Variants in BCKDHA observed in about 807,000 individuals in gnomAD.
The protein encoded by BCKDHA is branched chain keto acid dehydrogenase E1 subunit alpha.
In BCKDHA, 43 loss-of-function variants were observed where a neutral mutation model predicts 52.2. The ratio of observed to expected loss-of-function variants is 0.82; its 90% confidence interval spans 0.64 to 1.06. The LOEUF is 1.06. Among genes scored for constraint, BCKDHA ranks in the 50% least tolerant of loss-of-function variants. BCKDHA has a pLI of 0.00. For missense variants in BCKDHA, 527 were observed against 621.3 expected (o/e 0.85, Z 1.61); for synonymous variants, 234 against 247.9 (o/e 0.94, Z 0.53).
At chr19:41,411,087 C>T (rs1017097372) in intron 3 of BCKDHA, 78 bp downstream of exon 3, 3 of 1,479,726 alleles carry the variant, frequency 2.0e-6, no homozygotes, top group Non-Finnish European at 2.8e-6. Context: ...AAAGGAATGG[C>T]TCCCAAGGAG....
intron 3 of BCKDHA, 42 bp from the exon 4 acceptor site, chr19:41,414,007 G>C: frequency 6.5e-7 from 1 of 1,537,464 alleles, no homozygotes; most frequent in Non-Finnish European, 9.0e-7. Context: ...TCATTGCCCA[G>C]CATAACCAAT....
At chr19:41,424,177 G>T (rs2039402274) in intron 8 of BCKDHA, among the ~76,000 whole-genome samples, 1 of 152,176 alleles carries the variant, frequency 6.6e-6, no homozygotes, top group Non-Finnish European at 1.5e-5. Flanking sequence ...GCCCTTCTCT[G>T]TGCCTCAGTT....
At chr19:41,398,965 G>A (rs1461359143) in intron 1 of BCKDHA, among the ~76,000 whole-genome samples, 4 of 152,110 alleles carry the variant, frequency 2.6e-5, no homozygotes, top group African/African-American at 4.8e-5. Context: ...ACATCCTAAG[G>A]GCAATAGGAA....
intron 3 of BCKDHA, among the ~76,000 whole-genome samples, chr19:41,412,380 C>A (rs10418291): frequency 1.1e-4 from 7 of 65,866 alleles, no homozygotes; most frequent in African/African-American, 4.0e-4. Context: ...GTAGATATTT[C>A]TTTTTTTTTT....
intron 2 of BCKDHA, 27 bp downstream of exon 2, chr19:41,410,843 G>C: frequency 1.2e-6 from 2 of 1,613,570 alleles, no homozygotes; most frequent in Non-Finnish European, 1.7e-6. Flanking sequence ...CCCACTTCCC[G>C]TGCCCCCCAC....
rs540369872 is a variant in BCKDHA, at chr19:41,416,181, T to G, written c.484+2024T>G. On this transcript the variant is annotated intron_variant, in intron 4 of 8. Transcript: ENST00000269980. Reference sequence around the variant, plus strand: ...CTGGTTTCAAACTCCTGACCTCAAGTGATTCGTTTGCCTTGGCCTCCCAAA... The same window carrying G: ...CTGGTTTCAAACTCCTGACCTCAAGGGATTCGTTTGCCTTGGCCTCCCAAA... Among the ~76,000 whole-genome samples the G allele has an allele frequency of 1.8e-3, 270 of 152,142 alleles. 3 individuals carry two copies. Among genetic ancestry groups the G allele is most frequent in the Non-Finnish European group, 2.7e-3 (185 of 67,988 alleles).
chr19:41,406,716 C>A (rs889365907), intron 1 of BCKDHA, among the ~76,000 whole-genome samples: 6 of 152,020 alleles, frequency 3.9e-5, no homozygotes, highest in Admixed American at 1.3e-4. Flanking sequence ...ATTACAGGCA[C>A]CTACCATCAT....
At chr19:41,404,993 T>C (rs1206812663) in intron 1 of BCKDHA, among the ~76,000 whole-genome samples, 1 of 152,228 alleles carries the variant, frequency 6.6e-6, no homozygotes, top group African/African-American at 2.4e-5. Flanking sequence ...GTGAGTAAGA[T>C]CACCTGTCTT....
chr19:41,415,211 G>T (rs1447900479), intron 4 of BCKDHA, among the ~76,000 whole-genome samples: 1 of 152,242 alleles, frequency 6.6e-6, no homozygotes, highest in African/African-American at 2.4e-5. Flanking sequence ...TGTGGTGTTT[G>T]TCTAAGGTCT....
chr19:41,402,861 G>A (rs532132957), intron 1 of BCKDHA, among the ~76,000 whole-genome samples: 7 of 152,158 alleles, frequency 4.6e-5, no homozygotes, highest in South Asian at 2.1e-4. Context: ...GGCTGGTCTC[G>A]AACTCCTGGC....
chr19:41,412,002 G>T (rs150923804), intron 3 of BCKDHA, among the ~76,000 whole-genome samples: 4 of 152,188 alleles, frequency 2.6e-5, no homozygotes, highest in Admixed American at 1.3e-4. Flanking sequence ...GGAGGGCACC[G>T]CCGAGCCGCG....
intron 1 of BCKDHA, among the ~76,000 whole-genome samples, chr19:41,406,570 A>ATTTTTTT (rs1201986170): frequency 2.3e-5 from 3 of 129,640 alleles, no homozygotes; most frequent in Non-Finnish European, 5.0e-5. Context: ...TTCCCAGCTA[A>ATTTTTTT]TTTTTTTTTT....
rs1194250616 is a variant in BCKDHA, at chr19:41,422,661, A to G, written c.886A>G (p.Ile296Val). 5 of 1,613,910 alleles carry G rather than the reference A, an allele frequency of 3.1e-6. No homozygotes were observed. Among genetic ancestry groups the G allele is most frequent in the East Asian group, 2.2e-5 (1 of 44,888 alleles). Reference protein sequence around the residue: ...ARGPGYGIMSIRVDGNDVFAV... With the variant: ...ARGPGYGIMSVRVDGNDVFAV... ...AGGCCCCGGGTATGGCATCATGTCA[A>G]TCCGCGTGGATGGTAATGATGTGTT... is the stretch of plus-strand genomic sequence containing the variant. Residue 296 changes from isoleucine to valine, a missense_variant, in exon 7 of 9, where the codon ATC (isoleucine) becomes GTC (valine). Physicochemically the swap from Ile to Val is conservative, Grantham distance 29. Transcript: ENST00000269980.
chr19:41,405,704 C>T (rs976081598), intron 1 of BCKDHA, among the ~76,000 whole-genome samples: 1 of 152,030 alleles, frequency 6.6e-6, no homozygotes, highest in African/African-American at 2.4e-5. Context: ...GAATTACAGG[C>T]GTCTGCCACT....
At chr19:41,418,015 C>G (rs1188858619) in intron 4 of BCKDHA, among the ~76,000 whole-genome samples, 1 of 145,766 alleles carries the variant, frequency 6.9e-6, no homozygotes, top group East Asian at 2.0e-4. Context: ...TTGCTTGAAC[C>G]TGGAAGGTGG....
rs760895724 is a variant in BCKDHA at position 41,422,190 on chromosome 19, CG to C, written c.676del (p.Ala226ProfsTer104). ...GGTGGGGGCGGCGTACGCAGCCAAG[CG>C]GGCCAATGCCAACAGGGTCGTCATC... ...QAVGAAYAAK[R>X]ANANRVVICY... On this transcript the variant is annotated frameshift_variant, in exon 6 of 9. Coordinates refer to ENST00000269980, the MANE Select transcript of BCKDHA (RefSeq NM_000709.4). LOFTEE classifies it high-confidence loss of function. 1 of 1,613,960 alleles carries C rather than the reference CG, an allele frequency of 6.2e-7. No homozygotes were observed. The highest frequency in any genetic ancestry group is 1.1e-5 in the South Asian group (1 of 91,072).
intron 1 of BCKDHA, among the ~76,000 whole-genome samples, chr19:41,401,366 A>G (rs988368957): frequency 2.6e-5 from 4 of 152,110 alleles, no homozygotes; most frequent in Non-Finnish European, 4.4e-5. Context: ...GTGAGCCACC[A>G]TGCCTGGCTA....
At chr19:41,417,454 T>TAGG (rs2039318271) in intron 4 of BCKDHA, among the ~76,000 whole-genome samples, 1 of 152,180 alleles carries the variant, frequency 6.6e-6, no homozygotes, top group South Asian at 2.1e-4. Flanking sequence ...TACAAGACCT[T>TAGG]TCTTTCCCTC....
At chr19:41,410,225 C>G (rs1460826591) in intron 1 of BCKDHA, among the ~76,000 whole-genome samples, 1 of 152,094 alleles carries the variant, frequency 6.6e-6, no homozygotes, top group African/African-American at 2.4e-5. Flanking sequence ...TCTGTGGTCA[C>G]AGTGGGAGAG....
Sources: allele counts gnomAD v4.1 joint callset (sites outside exome capture counted in the v4.1 genomes callset), GRCh38; gene constraint gnomAD v4.1.1; transcripts MANE v1.5; gene names NCBI Gene and HGNC (gene_info 2026-07-23, HGNC 2026-07-21).